The following ZNF418 variants were observed in gnomAD, a reference collection of about 807,000 sequenced individuals.
The protein encoded by ZNF418 is zinc finger protein 418.
A neutral mutation model predicts 32.0 loss-of-function variants in ZNF418; 32 were observed. That is an observed-to-expected ratio of 1.00 (90% confidence interval 0.75 to 1.34). The LOEUF (loss-of-function observed/expected upper bound fraction) is 1.34, where lower values mean the gene tolerates loss of function less well. Ranked by LOEUF, ZNF418 falls within the 40% of genes most tolerant of loss-of-function variation. The pLI, the probability that ZNF418 is intolerant of heterozygous loss-of-function variation, is 0.00. For missense variants in ZNF418, 804 were observed against 812.5 expected (o/e 0.99, Z 0.13); for synonymous variants, 276 against 270.7 (o/e 1.02, Z -0.19).
rs201991197 is a variant in ZNF418 at position 57,927,408 on chromosome 19, T to C, written c.773A>G (p.Tyr258Cys). The change falls in exon 4 of 6, where the codon TAT becomes TGT. Residue 258 changes from tyrosine to cysteine, a missense_variant. Coordinates refer to ENST00000396147, the MANE Select transcript of ZNF418 (RefSeq NM_133460.3). ...AGATTTCCCACATTCTCCACATTCATAAGGTCTTTTCCCAGTGTGAACTCT... is the reference window on the plus strand; with the variant it reads ...AGATTTCCCACATTCTCCACATTCACAAGGTCTTTTCCCAGTGTGAACTCT... ...HQRVHTGKRPYECGECGKSFS... is the reference protein window; with the variant it reads ...HQRVHTGKRPCECGECGKSFS... The C allele has an allele frequency of 7.4e-5, 119 of 1,614,086 alleles. 2 individuals carry two copies. The African/African-American group carries it at 1.4e-3, about 19-fold the overall frequency.
chr19:57,923,509 C>CAT (rs1568536356), intron 4 of ZNF418, among the ~76,000 whole-genome samples: 13 of 149,078 alleles, frequency 8.7e-5, no homozygotes, highest in East Asian at 2.0e-4. Flanking sequence ...TATATACACA[C>CAT]ACATATATAC....
intron 4 of ZNF418, among the ~76,000 whole-genome samples, chr19:57,923,792 G>A (rs892865467): frequency 5.3e-5 from 8 of 151,922 alleles, no homozygotes; most frequent in African/African-American, 1.9e-4. Flanking sequence ...TAGCCAGGAT[G>A]GTCTCGATCT....
Position 57,927,917 on chromosome 19 carries a change from G to A in ZNF418, c.264C>T (p.Gly88=), listed in dbSNP as rs766910492. Residue 88 remains glycine, a synonymous_variant, in exon 4 of 6, where the codon GGC becomes GGT. Coordinates refer to ENST00000396147, the MANE Select transcript of ZNF418 (RefSeq NM_133460.3). ...PKKAHSCEMC[G]AILGDILHLA... ...AGTGCAAAATGTCTCCCAAGATCGC[G>A]CCACACATTTCACAAGAGTGGGCCT... The A allele has an allele frequency of 2.5e-5, 41 of 1,613,896 alleles. No individual in the cohort carries two copies. The East Asian group carries it at 3.6e-4, about 14-fold the overall frequency.
intron 2 of ZNF418, among the ~76,000 whole-genome samples, chr19:57,931,090 C>T (rs572663404): frequency 6.8e-4 from 104 of 151,996 alleles, no homozygotes; most frequent in African/African-American, 2.5e-3. Context: ...GTACTCTTAA[C>T]ATAAAAGGGT....
chr19:57,927,641 A>C lies in ZNF418; in HGVS notation c.540T>G (p.Thr180=). The C allele has an allele frequency of 6.2e-7, 1 of 1,614,018 alleles. No homozygotes were observed. The highest frequency in any genetic ancestry group is 8.5e-7 in the Non-Finnish European group (1 of 1,179,922). The stretch of plus-strand genomic sequence containing the variant: ...TGCTGTTTGACTTCTCCCCAGTGTG[A>C]GTGGCCTCCTGCAGCAGTAATCCTG... ...PSSGLLLQEA[T]HTGEKSNSKP... The change falls in exon 4 of 6, where the codon ACT becomes ACG. Residue 180 remains threonine (T), a synonymous_variant. Coordinates refer to ENST00000396147, the MANE Select transcript of ZNF418 (RefSeq NM_133460.3).
In ZNF418 at chr19:57,926,366, C is replaced by G; in HGVS notation, c.1815G>C (p.Ala605=). The change falls in exon 4 of 6, where the codon GCG becomes GCC. Residue 605 remains alanine (A), a synonymous_variant. Coordinates refer to ENST00000396147, the MANE Select transcript of ZNF418 (RefSeq NM_133460.3). ...ECGKTFTRRS[A]HFKHQRLHTR... is the part of the protein sequence containing the mutation. ...TATGAAGTCTCTGATGTTTAAAATG[C>G]GCAGACCTTCGAGTAAATGTTTTTC... 1 of 1,602,578 alleles carries G rather than the reference C, an allele frequency of 6.2e-7. No homozygotes were observed. Among genetic ancestry groups the G allele is most frequent in the Non-Finnish European group, 8.5e-7 (1 of 1,171,930 alleles).
intron 4 of ZNF418, among the ~76,000 whole-genome samples, chr19:57,925,093 G>A (rs2072155899): frequency 6.6e-6 from 1 of 152,102 alleles, no homozygotes; most frequent in Admixed American, 6.6e-5. Flanking sequence ...TAAACAATAA[G>A]GCCTTATTCA....
rs2072290620 is a variant in ZNF418 at position 57,927,472 on chromosome 19, TC to T, written c.708del (p.Lys237AsnfsTer149). 1 of 1,614,248 alleles carries T rather than the reference TC, an allele frequency of 6.2e-7. No homozygotes were observed. The highest frequency in any genetic ancestry group is 1.3e-5 in the African/African-American group (1 of 75,062). On this transcript the variant is annotated frameshift_variant, in exon 4 of 6. Coordinates refer to ENST00000396147, the MANE Select transcript of ZNF418 (RefSeq NM_133460.3). LOFTEE classifies it high-confidence loss of function. ...ACGCTATCATATTTGCTAAAGGATT[TC>T]CCACATTCCCAGCAATAACATTCCT... ...SREECYCWEC[G>X]KSFSKYDSVS...
chr19:57,925,709 C>T lies in ZNF418; in HGVS notation c.*441G>A, dbSNP rs1239585100. 3.4e-5 allele frequency: 6 copies of T among 174,612 alleles called. No individual in the cohort carries two copies. The highest frequency in any genetic ancestry group is 2.7e-4 in the South Asian group (2 of 7,508). 10.8% of individuals were successfully genotyped at this position (174,612 alleles called of 1,614,324 possible). On this transcript the variant is annotated 3_prime_UTR_variant, in exon 4 of 6. Transcript: ENST00000396147. ...AATGATGCACAGTGAACACCTGCCT[C>T]GTGGCCGACATAAAATGGCTTTTGC...
At chr19:57,924,752 G>A (rs966111659) in intron 4 of ZNF418, among the ~76,000 whole-genome samples, 2 of 152,172 alleles carry the variant, frequency 1.3e-5, no homozygotes, top group Non-Finnish European at 1.5e-5. Context: ...CCTTGTAAAA[G>A]AGAGGAAATT....
chr19:57,927,849 C>G lies in ZNF418; in HGVS notation c.332G>C (p.Arg111Thr), dbSNP rs746935341. 5.0e-6 allele frequency: 8 copies of G among 1,614,048 alleles called. No individual in the cohort carries two copies. In the South Asian group the frequency reaches 8.8e-5, roughly 18 times the overall value. ...CAATTTATTCCCCCATGCCTCACAC[C>G]TGTGCAGTTTCTGCTTGTGATGTGT... ...QGTHHKQKLH[R>T]CEAWGNKLYD... The change falls in exon 4 of 6, where the codon AGG becomes ACG. Residue 111 changes from arginine to threonine, a missense_variant. This residue lies in a region of ZNF418 where 307 missense variants were observed against 304.9 expected (regional missense o/e 1.01). Coordinates refer to ENST00000396147, the MANE Select transcript of ZNF418 (RefSeq NM_133460.3).
Position 57,930,409 on chromosome 19 carries a change from T to A in ZNF418, c.133+19A>T, listed in dbSNP as rs1367090587. 1.9e-6 allele frequency: 3 copies of A among 1,613,864 alleles called. No homozygotes were observed. The Admixed American group carries it at 5.0e-5, about 27-fold the overall frequency. ...GCAGAGATCTATTCAGGAAATAGGG[T>A]AGGGTGTGAGGAACTTACCCAGGGA... On this transcript the variant is annotated intron_variant, in intron 3 of 5. Transcript: ENST00000396147.
Position 57,933,825 on chromosome 19 carries a change from T to TG in ZNF418, c.-4dup, listed in dbSNP as rs1555784633. The TG allele has an allele frequency of 6.2e-7, 1 of 1,614,012 alleles. No individual in the cohort carries two copies. Among genetic ancestry groups the TG allele is most frequent in the Non-Finnish European group, 8.5e-7 (1 of 1,180,008 alleles). On this transcript the variant is annotated 5_prime_UTR_variant, in exon 2 of 6. Coordinates refer to ENST00000396147, the MANE Select transcript of ZNF418 (RefSeq NM_133460.3). ...GGTCCAGTAACCCTCACCTGCATTATGGCAGGAGTTTAAACTCTGATCCTC... is the reference window on the plus strand; with the variant it reads ...GGTCCAGTAACCCTCACCTGCATTATGGGCAGGAGTTTAAACTCTGATCCTC...
chr19:57,932,768 G>A (rs1042810480), intron 2 of ZNF418: 6 of 531,142 alleles, frequency 1.1e-5, no homozygotes, highest in Middle Eastern at 1.2e-3. Flanking sequence ...CCACCAGGCC[G>A]AATGAAAACC....
chr19:57,927,557 G>A lies in ZNF418; in HGVS notation c.624C>T (p.Cys208=). The A allele has an allele frequency of 6.2e-7, 1 of 1,614,246 alleles. No homozygotes were observed. Among genetic ancestry groups the A allele is most frequent in the Non-Finnish European group, 8.5e-7 (1 of 1,180,046 alleles). Residue 208 remains cysteine (C), a synonymous_variant, in exon 4 of 6, where the codon TGC becomes TGT. Transcript: ENST00000396147. ...WGDTHYSCGE[C]MKHSSTKHVF... is the part of the protein sequence containing the mutation. The stretch of plus-strand genomic sequence containing the variant: ...CGTGTTTGGTGCTAGAATGTTTCAT[G>A]CATTCTCCACAGCTGTAATGAGTAT...
At chr19:57,934,065 CTG>C (rs1259399708) in intron 1 of ZNF418, 163 bp from the exon 2 acceptor site, 14 of 1,437,052 alleles carry the variant, frequency 9.7e-6, no homozygotes, top group South Asian at 2.9e-5. Context: ...TCCATACATC[CTG>C]TGTCATGGAC....
rs749388698 is a variant in ZNF418, at chr19:57,927,799, G to C, written c.382C>G (p.Gln128Glu). ...KLYDSSNRPH[Q>E]NQYLGEKPYR... ...GGTTTCTCTCCAAGGTACTGATTCT[G>C]GTGCGGACGGTTTGAACTATCATAC... Residue 128 changes from glutamine (Q) to glutamate (E), a missense_variant, in exon 4 of 6, where the codon CAG becomes GAG. Gln to Glu is a conservative substitution (Grantham distance 29). Coordinates refer to ENST00000396147, the MANE Select transcript of ZNF418 (RefSeq NM_133460.3). The C allele has an allele frequency of 6.2e-7, 1 of 1,614,046 alleles. No individual in the cohort carries two copies. Among genetic ancestry groups the C allele is most frequent in the Admixed American group, 1.7e-5 (1 of 59,994 alleles).
At chr19:57,924,157 A>G (rs1441310964) in intron 4 of ZNF418, among the ~76,000 whole-genome samples, 1 of 151,932 alleles carries the variant, frequency 6.6e-6, no homozygotes, top group Non-Finnish European at 1.5e-5. Flanking sequence ...AAAAAAAAAG[A>G]AAAACATGGA....
chr19:57,934,123 G>A, intron 1 of ZNF418: 5 of 1,344,086 alleles, frequency 3.7e-6, no homozygotes, highest in Non-Finnish European at 4.8e-6. Flanking sequence ...CAGATCAAAG[G>A]ACTGAAAAAA....
Sources: gnomAD v4.1 joint callset for allele counts (sites outside exome capture counted in the v4.1 genomes callset) on GRCh38, gnomAD v4.1.1 for gene constraint, gnomAD v4.1.1 regional missense constraint, MANE v1.5 for transcripts, NCBI Gene and HGNC (gene_info 2026-07-23, HGNC 2026-07-21) for gene names.